The following NIPAL2 variants were observed in gnomAD, a reference collection of about 807,000 sequenced individuals.
NIPAL2 encodes the protein NIPA-like protein 2.
Under a neutral mutation model 48.9 loss-of-function variants are expected in NIPAL2, and 43 were observed. The observed-to-expected ratio is 0.88, with a 90% CI of 0.69 to 1.13. NIPAL2 has a LOEUF of 1.13. Ranked by LOEUF, NIPAL2 falls within the 50% of genes most tolerant of loss-of-function variation. The probability of loss-of-function intolerance (pLI) is 0.00; values close to 1 mark genes in which losing one functional copy is unlikely to be tolerated. For missense variants in NIPAL2, 446 were observed against 461.4 expected (o/e 0.97, Z 0.31); for synonymous variants, 167 against 174.6 (o/e 0.96, Z 0.34).
chr8:98,203,655 A>G (rs766709704), intron 7 of NIPAL2, among the ~76,000 whole-genome samples: 1 of 152,246 alleles, frequency 6.6e-6, no homozygotes, highest in African/African-American at 2.4e-5. Flanking sequence ...TGCAGAGCAC[A>G]TGTGGGAGCT....
Position 98,192,220 on chromosome 8 carries a change from T to C in NIPAL2, c.*758A>G, listed in dbSNP as rs1810331129. On this transcript the variant is annotated 3_prime_UTR_variant, in exon 11 of 11. Coordinates refer to ENST00000430223, the MANE Select transcript of NIPAL2 (RefSeq NM_001321635.2). ...TAGTCCTACTTTTTGTCTCTAACGC[T>C]TCATGAATTTATGTGTCAGCCTTGT... The C allele has an allele frequency of 6.6e-6, 1 of 152,170 alleles. No homozygotes were observed. The highest frequency in any genetic ancestry group is 2.4e-5 in the African/African-American group (1 of 41,442). 9.4% of individuals were successfully genotyped at this position (152,170 alleles called of 1,614,324 possible).
chr8:98,214,543 T>C (rs1811480080), intron 5 of NIPAL2, among the ~76,000 whole-genome samples: 1 of 151,700 alleles, frequency 6.6e-6, no homozygotes, highest in Non-Finnish European at 1.5e-5. Context: ...CAGCAGACAG[T>C]ACCATCACTA....
At chr8:98,193,145 T>C (rs899352321) in intron 10 of NIPAL2, 55 bp from the exon 11 acceptor site, 1 of 1,421,458 alleles carries the variant, frequency 7.0e-7, no homozygotes, top group African/African-American at 1.4e-5. Context: ...AAAATAAGTC[T>C]TAATAATTTC....
At chr8:98,279,370 C>T (rs1815662482) in intron 1 of NIPAL2, among the ~76,000 whole-genome samples, 1 of 152,126 alleles carries the variant, frequency 6.6e-6, no homozygotes, top group Non-Finnish European at 1.5e-5. Flanking sequence ...ATTGAGCAGG[C>T]CCTTAGAAAC....
intron 4 of NIPAL2, among the ~76,000 whole-genome samples, chr8:98,229,280 G>A (rs765788273): frequency 3.3e-5 from 5 of 152,176 alleles, no homozygotes; most frequent in Non-Finnish European, 5.9e-5. Context: ...CTATAAACTT[G>A]ATATTTGTGC....
chr8:98,237,173 G>A (rs2443564), intron 3 of NIPAL2, among the ~76,000 whole-genome samples: 9,113 of 151,928 alleles, frequency 0.06, 374 homozygotes, highest in Middle Eastern at 0.14. Context: ...TGATCCTCTC[G>A]AGTAGCTGGG....
At chr8:98,230,599 T>C (rs1349270446) in intron 4 of NIPAL2, among the ~76,000 whole-genome samples, 1 of 152,240 alleles carries the variant, frequency 6.6e-6, no homozygotes, top group African/African-American at 2.4e-5. Context: ...GGGAATATTT[T>C]ATATTTTGGG....
At chr8:98,224,664 T>C (rs1458021416) in intron 4 of NIPAL2, among the ~76,000 whole-genome samples, 3 of 152,116 alleles carry the variant, frequency 2.0e-5, no homozygotes, top group African/African-American at 7.2e-5. Context: ...GAGGTGTATA[T>C]ATTTACAGGG....
chr8:98,286,417 T>C (rs1028007133), intron 1 of NIPAL2, among the ~76,000 whole-genome samples: 1 of 152,142 alleles, frequency 6.6e-6, no homozygotes, highest in Admixed American at 6.5e-5. Context: ...GCAAATGCAA[T>C]CTTCAGTGAG....
chr8:98,195,239 C>T (rs768436090), intron 9 of NIPAL2, among the ~76,000 whole-genome samples: 6 of 152,122 alleles, frequency 3.9e-5, no homozygotes, highest in Non-Finnish European at 8.8e-5. Context: ...TTGGCCTTGC[C>T]CAATTATCTT....
At chr8:98,266,026 G>T (rs1387923656) in intron 1 of NIPAL2, among the ~76,000 whole-genome samples, 4 of 149,828 alleles carry the variant, frequency 2.7e-5, no homozygotes, top group African/African-American at 9.8e-5. Context: ...GTAAACTATC[G>T]CAAGAACAAA....
At chr8:98,264,341 T>C (rs995701748) in intron 1 of NIPAL2, among the ~76,000 whole-genome samples, 1 of 132,242 alleles carries the variant, frequency 7.6e-6, no homozygotes, top group African/African-American at 2.9e-5. Flanking sequence ...AGTCAAATTG[T>C]CCCTGTTTGC....
intron 1 of NIPAL2, among the ~76,000 whole-genome samples, chr8:98,286,518 C>T (rs561122658): frequency 5.9e-5 from 9 of 152,186 alleles, no homozygotes; most frequent in South Asian, 4.2e-4. Context: ...TGGCAAGATA[C>T]CTTGTTGAGG....
At chr8:98,235,056 A>C (rs1812638122) in intron 4 of NIPAL2, among the ~76,000 whole-genome samples, 1 of 152,220 alleles carries the variant, frequency 6.6e-6, no homozygotes, top group Admixed American at 6.5e-5. Context: ...GGAAAAGAAA[A>C]AGAGAAAACA....
chr8:98,266,782 A>G (rs1250216353), intron 1 of NIPAL2, among the ~76,000 whole-genome samples: 3 of 152,290 alleles, frequency 2.0e-5, no homozygotes, highest in South Asian at 4.1e-4. Flanking sequence ...ATGCTAAAAA[A>G]AAAATAAAGA....
At chr8:98,257,472 T>C (rs751468987) in intron 1 of NIPAL2, among the ~76,000 whole-genome samples, 2 of 152,044 alleles carry the variant, frequency 1.3e-5, no homozygotes, top group Non-Finnish European at 2.9e-5. Flanking sequence ...TTGGCCAGGA[T>C]GGTCTCGATC....
Position 98,260,766 on chromosome 8 carries a change from C to T in NIPAL2, c.136-6679G>A, listed in dbSNP as rs180883111. On this transcript the variant is annotated intron_variant, in intron 1 of 10. Transcript: ENST00000430223. ...AAGCAGCCGGGAAGCTCCAACTGGG[C>T]GGAGCCCACCACAGCACAAGGATGC... Among the ~76,000 whole-genome samples the T allele has an allele frequency of 5.7e-3, 866 of 152,326 alleles. 7 individuals are homozygous for T. Among genetic ancestry groups the T allele is most frequent in the African/African-American group, 0.02 (823 of 41,576 alleles).
intron 7 of NIPAL2, among the ~76,000 whole-genome samples, chr8:98,203,763 A>T (rs1212802548): frequency 6.6e-6 from 1 of 151,994 alleles, no homozygotes; most frequent in Non-Finnish European, 1.5e-5. Flanking sequence ...AGTGAATTGC[A>T]CTATCACCAG....
chr8:98,230,502 T>C (rs1385154162), intron 4 of NIPAL2, among the ~76,000 whole-genome samples: 1 of 152,238 alleles, frequency 6.6e-6, no homozygotes, highest in Non-Finnish European at 1.5e-5. Context: ...GTATTAGCAT[T>C]CACCGTAAAT....
Sources: gnomAD v4.1 joint callset for allele counts (sites outside exome capture counted in the v4.1 genomes callset) on GRCh38, gnomAD v4.1.1 for gene constraint, MANE v1.5 for transcripts, NCBI Gene and HGNC (gene_info 2026-07-23, HGNC 2026-07-21) for gene names.